The following LRRTM3 variants were observed in gnomAD, a reference collection of about 807,000 sequenced individuals.
LRRTM3 encodes leucine rich repeat transmembrane neuronal 3.
LRRTM3 carries 24 observed loss-of-function variants against 44.7 expected under a neutral mutation model. The observed-to-expected ratio is 0.54, with a 90% CI of 0.39 to 0.76. LRRTM3 has a LOEUF of 0.76. Among genes scored for constraint, LRRTM3 ranks in the 30% least tolerant of loss-of-function variants. The pLI, the probability that LRRTM3 is intolerant of heterozygous loss-of-function variation, is 0.00. For synonymous variants in LRRTM3, 277 were observed against 278.7 expected (o/e 0.99, Z 0.06); for missense variants, 587 against 702.2 (o/e 0.84, Z 1.85).
chr10:67,051,706 C>T (rs1371236607), intron 2 of LRRTM3, among the ~76,000 whole-genome samples: 2 of 148,632 alleles, frequency 1.3e-5, no homozygotes, highest in Admixed American at 6.7e-5. Flanking sequence ...ACTCGGCCCA[C>T]ACATCTTTAT....
At chr10:67,021,035 G>A (rs968822824) in intron 2 of LRRTM3, among the ~76,000 whole-genome samples, 1 of 152,114 alleles carries the variant, frequency 6.6e-6, no homozygotes, top group African/African-American at 2.4e-5. Flanking sequence ...ACAGTTAACA[G>A]GTATTAAAAC....
At chr10:66,994,320 C>T (rs1851208662) in intron 2 of LRRTM3, among the ~76,000 whole-genome samples, 1 of 152,148 alleles carries the variant, frequency 6.6e-6, no homozygotes, top group African/African-American at 2.4e-5. Flanking sequence ...CTGGCCTTTG[C>T]TAATCACACC....
rs1858110666 is a variant in LRRTM3, at chr10:67,097,947, TAAAG to T, written c.*154_*157del. On this transcript the variant is annotated 3_prime_UTR_variant, in exon 3 of 3. Coordinates refer to ENST00000361320, the MANE Select transcript of LRRTM3 (RefSeq NM_178011.5). ...AAAAATCCAAGATTGATTCATGAAA[TAAAG>T]AAGACATGAATTGTTTTAAGTCTAC... is the stretch of plus-strand genomic sequence containing the variant. 1.5e-6 allele frequency: 1 copy of T among 660,750 alleles called. No individual in the cohort carries two copies. Among genetic ancestry groups the T allele is most frequent in the African/African-American group, 1.8e-5 (1 of 54,610 alleles). The allele number at this position is 660,750 out of a possible 1,614,324, so 40.9% of individuals were successfully genotyped here. A position where few individuals can be genotyped will look rare whatever the true frequency, so the allele number is the denominator to read the frequency against.
chr10:67,060,147 C>T (rs1855678789), intron 2 of LRRTM3, among the ~76,000 whole-genome samples: 1 of 152,036 alleles, frequency 6.6e-6, no homozygotes, highest in Non-Finnish European at 1.5e-5. Flanking sequence ...GAAACCCCAT[C>T]TCCACAAAAA....
In LRRTM3 at chr10:66,967,444, AATTAC is replaced by A. The variant is rs1349725197; in HGVS notation, c.1536+38994_1536+38998del. 2.6e-5 allele frequency among the ~76,000 whole-genome samples: 4 copies of A among 151,992 alleles called. No homozygotes were observed. The East Asian group carries it at 7.7e-4, about 29-fold the overall frequency. On this transcript the variant is annotated intron_variant, in intron 2 of 2. Transcript: ENST00000361320. Reference sequence around the variant, plus strand: ...TATATATACACATAGCATGCATATGAATTACAATTAATTAATCAATAATGGTCCCA... The same window carrying A: ...TATATATACACATAGCATGCATATGAAATTAATTAATCAATAATGGTCCCA...
At chr10:66,949,060 A>G (rs924759547) in intron 2 of LRRTM3, among the ~76,000 whole-genome samples, 6 of 152,236 alleles carry the variant, frequency 3.9e-5, no homozygotes, top group African/African-American at 1.4e-4. Context: ...TAACAAATTT[A>G]TTGTCAAACA....
chr10:67,036,548 T>A (rs1854072985), intron 2 of LRRTM3, among the ~76,000 whole-genome samples: 1 of 151,902 alleles, frequency 6.6e-6, no homozygotes, highest in African/African-American at 2.4e-5. Context: ...TTTAAAAAAA[T>A]TTTTGGTAGA....
rs567294160 is a variant in LRRTM3, at chr10:67,101,426, TGTA to T, written c.*3631_*3633del. Among the ~76,000 whole-genome samples, 212 of 148,282 alleles carry T rather than the reference TGTA, an allele frequency of 1.4e-3. No individual in the cohort carries two copies. The highest frequency in any genetic ancestry group is 5.1e-3 in the African/African-American group (200 of 39,490). ...CTTAAACCATGAAATTTTTTTTACT[TGTA>T]ATAATAGAGAACAATTTTCTCCATT... On this transcript the variant is annotated 3_prime_UTR_variant, in exon 3 of 3. Coordinates refer to ENST00000361320, the MANE Select transcript of LRRTM3 (RefSeq NM_178011.5).
At chr10:67,048,103 T>A (rs1282492782) in intron 2 of LRRTM3, among the ~76,000 whole-genome samples, 1 of 152,228 alleles carries the variant, frequency 6.6e-6, no homozygotes, top group South Asian at 2.1e-4. Flanking sequence ...TAATTTATTT[T>A]GTAAAAAGAA....
intron 2 of LRRTM3, among the ~76,000 whole-genome samples, chr10:66,962,613 A>G (rs1008021168): frequency 1.3e-5 from 2 of 151,654 alleles, no homozygotes; most frequent in Non-Finnish European, 2.9e-5. Flanking sequence ...GGATTTCACC[A>G]TGTTGGCCAG....
At chr10:66,931,258 A>G (rs1847373511) in intron 2 of LRRTM3, among the ~76,000 whole-genome samples, 1 of 146,966 alleles carries the variant, frequency 6.8e-6, no homozygotes, top group Non-Finnish European at 1.5e-5. Flanking sequence ...ACTTTGCTTT[A>G]CCAAAACAGA....
At chr10:66,972,700 A>ATT (rs56664927) in intron 2 of LRRTM3, among the ~76,000 whole-genome samples, 3 of 108,656 alleles carry the variant, frequency 2.8e-5, no homozygotes, top group Admixed American at 1.1e-4. Context: ...TGTCAAATAG[A>ATT]TTTTTTTTTT....
chr10:67,053,339 G>C (rs572602027), intron 2 of LRRTM3, among the ~76,000 whole-genome samples: 34 of 152,230 alleles, frequency 2.2e-4, no homozygotes, highest in South Asian at 2.1e-3. Context: ...TGATTCCATT[G>C]ATCTGAGGTG....
intron 2 of LRRTM3, among the ~76,000 whole-genome samples, chr10:66,947,561 TA>T (rs1564787395): frequency 1.3e-5 from 2 of 152,116 alleles, no homozygotes; most frequent in African/African-American, 4.8e-5. Flanking sequence ...GCTGAAAATA[TA>T]AAAAAGCATC....
chr10:66,993,255 A>G (rs1445821940), intron 2 of LRRTM3, among the ~76,000 whole-genome samples: 2 of 152,178 alleles, frequency 1.3e-5, no homozygotes, highest in Non-Finnish European at 2.9e-5. Flanking sequence ...GGTGGGATCC[A>G]AGAAGAAATA....
In LRRTM3 at chr10:66,927,393, G is replaced by A. The variant is rs1373296306; in HGVS notation, c.477G>A (p.Leu159=). The part of the protein sequence containing the change: ...GSEQFRGLRK[L]LSLHLRSNSL... ...AACAGTTTCGGGGCTTGCGGAAGCT[G>A]CTGAGTTTACATTTACGGTCTAACT... is the stretch of plus-strand genomic sequence containing the variant. The change falls in exon 2 of 3, where the codon CTG becomes CTA. Residue 159 remains leucine, a synonymous_variant. Transcript: ENST00000361320. This position sits in a 1 kb window ranked among gnomAD's most constrained non-coding sequence, Gnocchi z 4.7. 21 of 1,614,044 alleles carry A rather than the reference G, an allele frequency of 1.3e-5. No homozygotes were observed. Among genetic ancestry groups the A allele is most frequent in the Non-Finnish European group, 1.8e-5 (21 of 1,180,036 alleles).
intron 2 of LRRTM3, among the ~76,000 whole-genome samples, chr10:66,942,194 C>T (rs1848033640): frequency 6.6e-6 from 1 of 152,166 alleles, no homozygotes; most frequent in African/African-American, 2.4e-5. Context: ...GATATTTTCA[C>T]AATGCAGCAA....
intron 2 of LRRTM3, among the ~76,000 whole-genome samples, chr10:67,083,004 A>G (rs1857126327): frequency 6.6e-6 from 1 of 152,192 alleles, no homozygotes; most frequent in South Asian, 2.1e-4. Context: ...CATGAGTTCT[A>G]CCAGAAGCCA....
chr10:66,928,153 G>A lies in LRRTM3; in HGVS notation c.1237G>A (p.Glu413Lys), dbSNP rs1847179869. ...CGGCCCAGAGACCGATGCTGACGCC[G>A]AGCACATCTCTTTCCATAAAATCAT... ...EPGPETDADA[E>K]HISFHKIIAG... The change falls in exon 2 of 3, where the codon GAG becomes AAG. Residue 413 changes from glutamate to lysine, a missense_variant. Coordinates refer to ENST00000361320, the MANE Select transcript of LRRTM3 (RefSeq NM_178011.5). The A allele has an allele frequency of 4.3e-6, 7 of 1,614,050 alleles. No individual in the cohort carries two copies. The highest frequency in any genetic ancestry group is 5.1e-6 in the Non-Finnish European group (6 of 1,180,044).
Sources: allele counts gnomAD v4.1 joint callset (sites outside exome capture counted in the v4.1 genomes callset), GRCh38; gene constraint gnomAD v4.1.1; non-coding constraint Gnocchi (gnomAD v3.1); transcripts MANE v1.5; gene names NCBI Gene and HGNC (gene_info 2026-07-23, HGNC 2026-07-21).